Variants in CCT4 observed in about 807,000 individuals in gnomAD.
CCT4 encodes T-complex protein 1 subunit delta.
In CCT4, 17 loss-of-function variants were observed where a neutral mutation model predicts 62.5. That is an observed-to-expected ratio of 0.27 (90% CI 0.19 to 0.41). The LOEUF is 0.41. CCT4 is among the 10% of genes least tolerant of loss of function. The pLI is 1.00. For missense variants in CCT4, 592 were observed against 659.2 expected (o/e 0.90, Z 1.12); for synonymous variants, 250 against 229.9 (o/e 1.09, Z -0.79).
chr2:61,877,337 G>T (rs1002478326), intron 6 of CCT4, 56 bp downstream of exon 6: 1 of 1,516,956 alleles, frequency 6.6e-7, no homozygotes, highest in Non-Finnish European at 9.0e-7. Context: ...ATTTATTTTT[G>T]GCAATCTGAT....
chr2:61,873,758 G>A (rs964515699), intron 8 of CCT4, among the ~76,000 whole-genome samples: 2 of 152,050 alleles, frequency 1.3e-5, no homozygotes, highest in Non-Finnish European at 2.9e-5. Context: ...TAGAGACGGG[G>A]TTTCACCATG....
intron 1 of CCT4, among the ~76,000 whole-genome samples, chr2:61,887,323 G>C (rs1355060588): frequency 6.6e-6 from 1 of 152,150 alleles, no homozygotes; most frequent in Non-Finnish European, 1.5e-5. Flanking sequence ...CATGTAAGGT[G>C]TACTTTATAT....
chr2:61,875,061 G>C (rs1332682780), intron 8 of CCT4, among the ~76,000 whole-genome samples: 5 of 151,610 alleles, frequency 3.3e-5, no homozygotes, highest in African/African-American at 4.9e-5. Context: ...AGACTTGCGT[G>C]AACCCAGGAG....
intron 3 of CCT4, among the ~76,000 whole-genome samples, chr2:61,882,996 CA>C (rs1476563216): frequency 2.6e-5 from 4 of 152,140 alleles, no homozygotes; most frequent in Admixed American, 2.0e-4. Context: ...CACCTCACAC[CA>C]AAAAGCACAA....
intron 4 of CCT4, among the ~76,000 whole-genome samples, chr2:61,879,224 A>C (rs548386922): frequency 1.4e-5 from 2 of 143,354 alleles, no homozygotes; most frequent in African/African-American, 5.2e-5. Context: ...TTACACACTT[A>C]TTAATGGTCT....
intron 3 of CCT4, among the ~76,000 whole-genome samples, chr2:61,881,631 ATGT>A (rs1174501797): frequency 6.6e-6 from 1 of 152,182 alleles, no homozygotes; most frequent in Non-Finnish European, 1.5e-5. Context: ...TGTATACAGT[ATGT>A]TGGTTTATTT....
chr2:61,868,545 T>G lies in CCT4; in HGVS notation c.*147A>C, dbSNP rs1422878600. On this transcript the variant is annotated 3_prime_UTR_variant, in exon 14 of 14. Transcript: ENST00000394440. ...TATTTAATATTTTCATTAAATTGTT[T>G]CAATACAACTTCAGGCAAATGCCAA... The G allele has an allele frequency of 4.9e-5, 28 of 566,614 alleles. No individual in the cohort carries two copies. The highest frequency in any genetic ancestry group is 7.6e-5 in the Non-Finnish European group (24 of 313,856). 35.1% of individuals were successfully genotyped at this position (566,614 alleles called of 1,614,324 possible).
chr2:61,878,941 G>T lies in CCT4; in HGVS notation c.450C>A (p.Asp150Glu). The stretch of plus-strand genomic sequence containing the variant: ...CACTCAGTTCCACAGGTCGAGACAT[G>T]TCAGTCAAGATTTCAATGCCCTTTT... ...ALEKGIEILT[D>E]MSRPVELSDR... Residue 150 changes from aspartate (D) to glutamate (E), a missense_variant, in exon 5 of 14, where the codon GAC becomes GAA. Coordinates refer to ENST00000394440, the MANE Select transcript of CCT4 (RefSeq NM_006430.4). 1 of 1,610,286 alleles carries T rather than the reference G, an allele frequency of 6.2e-7. No individual in the cohort carries two copies. Among genetic ancestry groups the T allele is most frequent in the Non-Finnish European group, 8.5e-7 (1 of 1,177,176 alleles).
In CCT4 at chr2:61,872,086, C is replaced by T. The variant is rs780164717; in HGVS notation, c.1487G>A (p.Arg496Gln). ...QGEKTAGINV[R>Q]KGGISNILEE... ...CATTAGAGATTAAATGATTACCTTTCGGACATTAATGCCTGCAGTTTTTTC... is the reference window on the plus strand; with the variant it reads ...CATTAGAGATTAAATGATTACCTTTTGGACATTAATGCCTGCAGTTTTTTC... The change falls in exon 12 of 14, where the codon CGA (arginine) becomes CAA (glutamine). Residue 496 changes from arginine to glutamine, a missense_variant. This residue lies in a region of CCT4 where 522 missense variants were observed against 571.2 expected (regional missense o/e 0.91). Transcript: ENST00000394440. The T allele has an allele frequency of 1.5e-5, 24 of 1,594,000 alleles. No homozygotes were observed. In the South Asian group the frequency reaches 1.5e-4, roughly 10 times the overall value.
chr2:61,880,335 G>T lies in CCT4; in HGVS notation c.330C>A (p.Val110=), dbSNP rs1558506935. The change falls in exon 4 of 14, where the codon GTC becomes GTA. Residue 110 remains valine (V), a synonymous_variant. Transcript: ENST00000394440. ...AATCTAAGAGGGAGCCAGCAATGATGACTACTGATGTGGTGCCATCTCCTG... is the reference window on the plus strand; with the variant it reads ...AATCTAAGAGGGAGCCAGCAATGATTACTACTGATGTGGTGCCATCTCCTG... The part of the protein sequence containing the change: ...IEAGDGTTSV[V]IIAGSLLDSC... 1 of 1,606,880 alleles carries T rather than the reference G, an allele frequency of 6.2e-7. No homozygotes were observed.
intron 12 of CCT4, among the ~76,000 whole-genome samples, chr2:61,870,568 C>A (rs1460598064): frequency 1.3e-5 from 2 of 152,160 alleles, no homozygotes; most frequent in Non-Finnish European, 1.5e-5. Flanking sequence ...CTCTAACAGG[C>A]ATCCTTACTT....
At position 61,883,533 on chromosome 2, in the gene CCT4, CT is replaced by C; in HGVS notation, c.195del (p.Gly66ValfsTer3). The C allele has an allele frequency of 5.1e-6, 8 of 1,580,066 alleles. No homozygotes were observed. The highest frequency in any genetic ancestry group is 4.3e-6 in the Non-Finnish European group (5 of 1,160,226). On this transcript the variant is annotated frameshift_variant, in exon 3 of 14. Coordinates refer to ENST00000394440, the MANE Select transcript of CCT4 (RefSeq NM_006430.4). LOFTEE classifies it high-confidence loss of function. Reference sequence around the variant, plus strand: ...CCATCATTTGTAATGGTTACATCACCTTTTCCATCTTGAATCTAGAAAAAAA... The same window carrying C: ...CCATCATTTGTAATGGTTACATCACCTTTCCATCTTGAATCTAGAAAAAAA... ...KGMDKMIQDG[K>X]GDVTITNDGA...
rs1284426489 is a variant in CCT4 at position 61,888,418 on chromosome 2, T to C, written c.90A>G (p.Pro30=). 9 of 1,613,070 alleles carry C rather than the reference T, an allele frequency of 5.6e-6. No individual in the cohort carries two copies. The highest frequency in any genetic ancestry group is 7.6e-6 in the Non-Finnish European group (9 of 1,179,660). Residue 30 remains proline (P), a synonymous_variant, in exon 1 of 14, where the codon CCA becomes CCG. Transcript: ENST00000394440. ...GKGAYQDRDK[P]AQIRFSNISA... Reference sequence around the variant, plus strand: ...AAATGTTGCTGAAGCGGATCTGGGCTGGCTTGTCGCGGTCCTGATAGGCGC... The same window carrying C: ...AAATGTTGCTGAAGCGGATCTGGGCCGGCTTGTCGCGGTCCTGATAGGCGC...
Position 61,888,412 on chromosome 2 carries a change from C to T in CCT4, c.96G>A (p.Gln32=), listed in dbSNP as rs1338177393. Residue 32 remains glutamine, a synonymous_variant, in exon 1 of 14, where the codon CAG becomes CAA. Coordinates refer to ENST00000394440, the MANE Select transcript of CCT4 (RefSeq NM_006430.4). ...CGGCGGAAATGTTGCTGAAGCGGATCTGGGCTGGCTTGTCGCGGTCCTGAT... is the reference window on the plus strand; with the variant it reads ...CGGCGGAAATGTTGCTGAAGCGGATTTGGGCTGGCTTGTCGCGGTCCTGAT... ...GAYQDRDKPA[Q]IRFSNISAAK... 2 of 1,613,252 alleles carry T rather than the reference C, an allele frequency of 1.2e-6. No individual in the cohort carries two copies. The highest frequency in any genetic ancestry group is 1.7e-6 in the Non-Finnish European group (2 of 1,179,700).
chr2:61,872,913 T>TGA, intron 10 of CCT4, 89 bp downstream of exon 10: 2 of 802,088 alleles, frequency 2.5e-6, no homozygotes, highest in East Asian at 4.9e-5. Context: ...GGCGACAGAG[T>TGA]GAGACTCCGT....
intron 2 of CCT4, among the ~76,000 whole-genome samples, chr2:61,884,681 T>G (rs574727613): frequency 2.0e-5 from 3 of 151,792 alleles, no homozygotes; most frequent in Admixed American, 1.3e-4. Context: ...CAGGCTAGAG[T>G]GCAATGGCAC....
At chr2:61,883,895 T>C (rs1669176081) in intron 2 of CCT4, among the ~76,000 whole-genome samples, 1 of 152,154 alleles carries the variant, frequency 6.6e-6, no homozygotes, top group African/African-American at 2.4e-5. Context: ...CCACCATGGA[T>C]GCCCCTAAAG....
intron 2 of CCT4, among the ~76,000 whole-genome samples, chr2:61,884,004 A>G (rs1210284020): frequency 2.6e-5 from 4 of 152,122 alleles, no homozygotes; most frequent in Admixed American, 2.0e-4. Context: ...TTTGGGAAAG[A>G]TAGATTTTTG....
intron 4 of CCT4, among the ~76,000 whole-genome samples, chr2:61,879,854 T>C (rs912616826): frequency 6.6e-6 from 1 of 151,938 alleles, no homozygotes; most frequent in Non-Finnish European, 1.5e-5. Context: ...GTGATTCTCC[T>C]GCCTTAGCTG....
Sources: gnomAD v4.1 joint callset for allele counts (sites outside exome capture counted in the v4.1 genomes callset) on GRCh38, gnomAD v4.1.1 for gene constraint, gnomAD v4.1.1 regional missense constraint, MANE v1.5 for transcripts, NCBI Gene and HGNC (gene_info 2026-07-23, HGNC 2026-07-21) for gene names.